Variants in STK32C observed in about 807,000 individuals in gnomAD.
The protein encoded by STK32C is serine/threonine-protein kinase 32C.
STK32C carries 31 observed loss-of-function variants against 56.5 expected under a neutral mutation model. That is an observed-to-expected ratio of 0.55 (90% CI 0.41 to 0.74). STK32C has a LOEUF of 0.74. STK32C is among the 30% of genes least tolerant of loss of function. STK32C has a pLI of 0.00. For synonymous variants in STK32C, 309 were observed against 289.4 expected (o/e 1.07, Z -0.69); for missense variants, 544 against 676.9 (o/e 0.80, Z 2.18).
chr10:132,330,946 T>C (rs2066678423), intron 1 of STK32C, among the ~76,000 whole-genome samples: 1 of 151,018 alleles, frequency 6.6e-6, no homozygotes. Flanking sequence ...CTCATGCCTG[T>C]AATCCCAGCA....
At chr10:132,271,023 A>G (rs1387769993) in intron 1 of STK32C, among the ~76,000 whole-genome samples, 1 of 152,132 alleles carries the variant, frequency 6.6e-6, no homozygotes, top group Non-Finnish European at 1.5e-5. Flanking sequence ...GGTGAGACCA[A>G]GGGGGTTCTG....
intron 10 of STK32C, among the ~76,000 whole-genome samples, chr10:132,212,751 C>T (rs1320178531): frequency 5.9e-5 from 9 of 152,368 alleles, no homozygotes; most frequent in East Asian, 1.9e-4. Flanking sequence ...TTCTGCTCTG[C>T]GGTAAACAAC....
intron 1 of STK32C, among the ~76,000 whole-genome samples, chr10:132,251,171 G>A (rs1039092881): frequency 3.9e-5 from 6 of 152,180 alleles, no homozygotes; most frequent in Non-Finnish European, 4.4e-5. Flanking sequence ...CAACAGCAGG[G>A]GTGACCCCAG....
At chr10:132,253,037 G>A (rs2063962575) in intron 1 of STK32C, among the ~76,000 whole-genome samples, 1 of 152,214 alleles carries the variant, frequency 6.6e-6, no homozygotes, top group Non-Finnish European at 1.5e-5. Context: ...ATCAGAGATA[G>A]GTTCTCTTGA....
At chr10:132,211,709 A>G (rs2062305655) in intron 10 of STK32C, among the ~76,000 whole-genome samples, 1 of 152,162 alleles carries the variant, frequency 6.6e-6, no homozygotes, top group Non-Finnish European at 1.5e-5. Flanking sequence ...CACAGTCAGA[A>G]GGCCACAGAG....
upstream of STK32C, among the ~76,000 whole-genome samples, chr10:132,309,968 G>T (rs887837545): frequency 2.6e-5 from 4 of 152,226 alleles, no homozygotes; most frequent in South Asian, 2.1e-4. Flanking sequence ...AGATTGGAGA[G>T]GCTGAGGACC....
chr10:132,224,061 C>T (rs1380103454), intron 8 of STK32C, among the ~76,000 whole-genome samples: 2 of 152,184 alleles, frequency 1.3e-5, no homozygotes, highest in Admixed American at 6.5e-5. Context: ...ACCCTCCTTC[C>T]AATACGTGGG....
chr10:132,258,887 T>C (rs977156333), intron 1 of STK32C, among the ~76,000 whole-genome samples: 8 of 152,362 alleles, frequency 5.3e-5, no homozygotes, highest in African/African-American at 1.9e-4. Flanking sequence ...TCTCCGCCCG[T>C]GGGCAGACGG....
intron 1 of STK32C, among the ~76,000 whole-genome samples, chr10:132,301,029 G>A (rs956983863): frequency 1.5e-4 from 23 of 151,186 alleles, no homozygotes; most frequent in Non-Finnish European, 2.4e-4. Context: ...AGGCCTGGTC[G>A]TCCACTAACG....
At chr10:132,314,844 A>C (rs900566477) in intron 1 of STK32C, among the ~76,000 whole-genome samples, 6 of 152,218 alleles carry the variant, frequency 3.9e-5, no homozygotes, top group African/African-American at 1.2e-4. Context: ...GCCATAAAAA[A>C]GATTGAGTTT....
intron 1 of STK32C, among the ~76,000 whole-genome samples, chr10:132,251,308 C>A (rs2063896903): frequency 6.6e-6 from 1 of 152,202 alleles, no homozygotes. Context: ...GGAGAGGGAG[C>A]AGAGGGACGG....
intron 10 of STK32C, among the ~76,000 whole-genome samples, chr10:132,221,949 C>T (rs1378343148): frequency 1.4e-5 from 2 of 146,006 alleles, no homozygotes; most frequent in Non-Finnish European, 3.0e-5. Context: ...CAACTGACAC[C>T]GACACACCTG....
At chr10:132,295,798 C>T (rs916726756) in intron 1 of STK32C, among the ~76,000 whole-genome samples, 3 of 151,968 alleles carry the variant, frequency 2.0e-5, no homozygotes, top group African/African-American at 4.8e-5. Flanking sequence ...GAAAAAGAAT[C>T]GCTTGAACCC....
chr10:132,214,647 C>G (rs905405443), intron 10 of STK32C, among the ~76,000 whole-genome samples: 1 of 152,156 alleles, frequency 6.6e-6, no homozygotes, highest in African/African-American at 2.4e-5. Context: ...CAAAAGATAA[C>G]TGTTTAAAAT....
At chr10:132,234,310 T>G (rs1229045007) in intron 2 of STK32C, among the ~76,000 whole-genome samples, 2 of 152,216 alleles carry the variant, frequency 1.3e-5, no homozygotes, top group African/African-American at 4.8e-5. Flanking sequence ...CTCCTGACAC[T>G]TCCCGATGCA....
chr10:132,330,672 AT>A (rs57850207), intron 1 of STK32C, among the ~76,000 whole-genome samples: 3,153 of 126,922 alleles, frequency 0.025, 49 homozygotes, highest in Middle Eastern at 0.047. Context: ...CACACCCAGC[AT>A]TTTTTTTTTT....
chr10:132,223,049 C>CA, intron 8 of STK32C, 63 bp from the exon 9 acceptor site: 2 of 1,516,088 alleles, frequency 1.3e-6, no homozygotes, highest in Middle Eastern at 2.3e-4. Flanking sequence ...AATAGCCCGC[C>CA]ACCCCCAGGC....
intron 1 of STK32C, among the ~76,000 whole-genome samples, chr10:132,262,152 C>T (rs1042022430): frequency 2.0e-5 from 3 of 152,142 alleles, no homozygotes; most frequent in Admixed American, 2.0e-4. Context: ...CACCTACAAC[C>T]ATCTGATCTT....
chr10:132,308,263 A>G (rs1043196591), upstream of STK32C, among the ~76,000 whole-genome samples: 3 of 152,104 alleles, frequency 2.0e-5, no homozygotes, highest in African/African-American at 7.2e-5. Context: ...CGAGGGAGGC[A>G]GGGAGCGTCC....
Sources: gnomAD v4.1 joint callset for allele counts (sites outside exome capture counted in the v4.1 genomes callset) on GRCh38, gnomAD v4.1.1 for gene constraint, MANE v1.5 for transcripts, NCBI Gene and HGNC (gene_info 2026-07-23, HGNC 2026-07-21) for gene names.